Variants in TRERF1 observed in about 807,000 individuals in gnomAD.
The protein encoded by TRERF1 is transcriptional-regulating factor 1.
In TRERF1, 27 loss-of-function variants were observed where a neutral mutation model predicts 122.9. The ratio of observed to expected loss-of-function variants is 0.22; its 90% CI spans 0.16 to 0.30. TRERF1 has a LOEUF of 0.30. Among genes scored for constraint, TRERF1 ranks in the 10% least tolerant of loss-of-function variants. The pLI, the probability that TRERF1 is intolerant of heterozygous loss-of-function variation, is 1.00. For missense variants in TRERF1, 1,248 were observed against 1,560.3 expected (o/e 0.80, Z 3.37); for synonymous variants, 636 against 641.7 (o/e 0.99, Z 0.13).
chr6:42,268,637 C>G lies in TRERF1; in HGVS notation c.954G>C (p.Gln318His). The change falls in exon 5 of 18, where the codon CAG becomes CAC. Residue 318 changes from glutamine to histidine, a missense_variant. Around this residue, in one of 5 missense-constraint regions of TRERF1, gnomAD observed 946 missense variants for 1,073.0 expected, o/e 0.88. Transcript: ENST00000372922. The surrounding 1 kb of genome is among the most constrained non-coding windows in gnomAD (Gnocchi z 4.4). ...AATACTGAGGTATCTGCATTGAACC[C>G]TGCCGCTGCTGCAGCTGTAGCTGCT... 6 of 1,614,200 alleles carry G rather than the reference C, an allele frequency of 3.7e-6. No homozygotes were observed. Among genetic ancestry groups the G allele is most frequent in the Non-Finnish European group, 5.1e-6 (6 of 1,180,030 alleles).
chr6:42,437,115 T>C (rs1785590381), intron 2 of TRERF1, among the ~76,000 whole-genome samples: 1 of 152,000 alleles, frequency 6.6e-6, no homozygotes, highest in Non-Finnish European at 1.5e-5. Flanking sequence ...AATAACCAAG[T>C]AGATGTGACC....
chr6:42,269,086 G>C lies in TRERF1; in HGVS notation c.505C>G (p.Gln169Glu), dbSNP rs762741180. Residue 169 changes from glutamine to glutamate, a missense_variant, in exon 5 of 18, where the codon CAG becomes GAG. Around this residue, in one of 5 missense-constraint regions of TRERF1, gnomAD observed 946 missense variants for 1,073.0 expected, o/e 0.88. Coordinates refer to ENST00000372922, the Ensembl canonical transcript of TRERF1. This position sits in a 1 kb window ranked among gnomAD's most constrained non-coding sequence, Gnocchi z 4.9. ...GGGGCTCCATCCATCACTGCTGACT[G>C]AGTGTGCAGCACCTGGGCCATATTG... 6.2e-7 allele frequency: 1 copy of C among 1,614,208 alleles called. No homozygotes were observed. Among genetic ancestry groups the C allele is most frequent in the Non-Finnish European group, 8.5e-7 (1 of 1,180,032 alleles).
intron 15 of TRERF1, 80 bp downstream of exon 15, chr6:42,243,168 C>T: frequency 7.9e-7 from 1 of 1,263,244 alleles, no homozygotes; most frequent in Non-Finnish European, 1.1e-6. Context: ...CAAAGCCAAA[C>T]CAAACACCAG....
intron 3 of TRERF1, among the ~76,000 whole-genome samples, chr6:42,356,998 C>T (rs952598379): frequency 1.3e-5 from 2 of 152,188 alleles, no homozygotes; most frequent in Admixed American, 6.5e-5. Context: ...GCAAGATATG[C>T]CTTGAGAGAA....
At chr6:42,451,458 A>G (rs2151861698) in intron 1 of TRERF1, among the ~76,000 whole-genome samples, 197 bp from the exon 2 acceptor site, 1 of 151,598 alleles carries the variant, frequency 6.6e-6, no homozygotes, top group Non-Finnish European at 1.5e-5. Flanking sequence ...CAGGGTAGGA[A>G]GCTTTGGGTT....
intron 3 of TRERF1, among the ~76,000 whole-genome samples, chr6:42,319,406 A>T (rs1763018558): frequency 1.3e-5 from 2 of 152,256 alleles, no homozygotes; most frequent in East Asian, 1.9e-4. Context: ...AACCAGAAAC[A>T]CTTGCATTGA....
intron 3 of TRERF1, among the ~76,000 whole-genome samples, chr6:42,311,765 C>CAAA (rs10530333): frequency 5.8e-4 from 20 of 34,552 alleles, no homozygotes; most frequent in South Asian, 2.1e-3. Flanking sequence ...GACTCCGTCT[C>CAAA]AAAAAAAAAA....
intron 2 of TRERF1, among the ~76,000 whole-genome samples, chr6:42,430,586 C>G (rs1026883810): frequency 4.0e-5 from 6 of 151,512 alleles, no homozygotes. Flanking sequence ...CCCTTTTCTA[C>G]TAAAAATACA....
intron 2 of TRERF1, among the ~76,000 whole-genome samples, chr6:42,419,995 A>G (rs951846990): frequency 6.6e-6 from 1 of 152,208 alleles, no homozygotes; most frequent in Non-Finnish European, 1.5e-5. Context: ...GAATTCCTCA[A>G]TGAAATTAGC....
chr6:42,371,313 A>C (rs1330596784), intron 2 of TRERF1, among the ~76,000 whole-genome samples: 2 of 152,242 alleles, frequency 1.3e-5, no homozygotes, highest in East Asian at 1.9e-4. Context: ...AGAAGGGCCT[A>C]AACAAAGAAC....
rs112440663 is a variant in TRERF1 at position 42,234,344 on chromosome 6, G to GT, written c.3067-1453dup. On this transcript the variant is annotated intron_variant, in intron 16 of 17. Coordinates refer to ENST00000372922, the Ensembl canonical transcript of TRERF1. ...GTTTTTTTTGTTTGTTTGTTTGCTT[G>GT]TTTTTTTTTTTTCAGATGGAGTCTC... Among the ~76,000 whole-genome samples, 931 of 141,490 alleles carry GT rather than the reference G, an allele frequency of 6.6e-3. 14 individuals are homozygous for GT. Among genetic ancestry groups the GT allele is most frequent in the African/African-American group, 0.02 (765 of 37,928 alleles). 92.8% of individuals were successfully genotyped at this position (141,490 alleles called of 152,430 possible). A position where few individuals can be genotyped will look rare whatever the true frequency, so the allele number is the denominator to read the frequency against.
At chr6:42,326,215 T>C (rs1000455279) in intron 3 of TRERF1, among the ~76,000 whole-genome samples, 2 of 151,360 alleles carry the variant, frequency 1.3e-5, no homozygotes, top group African/African-American at 4.9e-5. Flanking sequence ...GCCAGGTGAC[T>C]GGCTTGCCAG....
At chr6:42,356,749 G>A (rs1374017403) in intron 3 of TRERF1, among the ~76,000 whole-genome samples, 1 of 151,796 alleles carries the variant, frequency 6.6e-6, no homozygotes, top group Non-Finnish European at 1.5e-5. Context: ...TAATTTTTCT[G>A]TATTTTTAGA....
chr6:42,369,212 G>A (rs999526231), intron 2 of TRERF1, among the ~76,000 whole-genome samples: 3 of 152,180 alleles, frequency 2.0e-5, no homozygotes, highest in African/African-American at 7.2e-5. Flanking sequence ...CACTTTGGGA[G>A]GCCAAGGCGG....
intron 2 of TRERF1, among the ~76,000 whole-genome samples, chr6:42,445,361 C>CAG (rs758760318): frequency 6.8e-5 from 4 of 58,710 alleles, no homozygotes; most frequent in African/African-American, 1.9e-4. Context: ...CAGACACACA[C>CAG]ACACACACAC....
intron 3 of TRERF1, among the ~76,000 whole-genome samples, chr6:42,338,371 G>C (rs376015583): frequency 6.6e-6 from 1 of 152,168 alleles, no homozygotes; most frequent in African/African-American, 2.4e-5. Context: ...CCTGGGTCAC[G>C]GGACGTGGGT....
intron 3 of TRERF1, among the ~76,000 whole-genome samples, chr6:42,312,117 T>C (rs1384913347): frequency 6.6e-6 from 1 of 151,994 alleles, no homozygotes; most frequent in Non-Finnish European, 1.5e-5. Flanking sequence ...GGGTACTGTG[T>C]GGTTGGATAG....
At chr6:42,354,172 A>G (rs1266093335) in intron 3 of TRERF1, among the ~76,000 whole-genome samples, 4 of 152,196 alleles carry the variant, frequency 2.6e-5, no homozygotes, top group African/African-American at 9.6e-5. Context: ...GCTTGGGGGA[A>G]GGGTCCAGAT....
At chr6:42,354,585 G>A (rs1485832367) in intron 3 of TRERF1, among the ~76,000 whole-genome samples, 1 of 152,006 alleles carries the variant, frequency 6.6e-6, no homozygotes, top group Non-Finnish European at 1.5e-5. Flanking sequence ...AATTGTTAAT[G>A]AGGCATCAGA....
Sources: gnomAD v4.1 joint callset for allele counts (sites outside exome capture counted in the v4.1 genomes callset) on GRCh38, gnomAD v4.1.1 for gene constraint, gnomAD v4.1.1 regional missense constraint, Gnocchi (gnomAD v3.1) non-coding constraint, MANE v1.5 for transcripts, NCBI Gene and HGNC (gene_info 2026-07-23, HGNC 2026-07-21) for gene names.